Variants in TJAP1 observed in about 807,000 individuals in gnomAD.
TJAP1 encodes tight junction associated protein 1.
Under a neutral mutation model 42.0 loss-of-function variants are expected in TJAP1, and 27 were observed. The ratio of observed to expected loss-of-function variants is 0.64; its 90% confidence interval spans 0.47 to 0.89. The LOEUF is 0.89. Among genes scored for constraint, TJAP1 ranks in the 40% least tolerant of loss-of-function variants. TJAP1 has a pLI of 0.00. For synonymous variants in TJAP1, 257 were observed against 288.4 expected, an observed-to-expected ratio of 0.89 and a Z score of 1.10; for missense variants, 712 against 726.9, an observed-to-expected ratio of 0.98 and a Z score of 0.24.
At chr6:43,486,165 A>G (rs1003326727) in intron 2 of TJAP1, among the ~76,000 whole-genome samples, 1 of 151,174 alleles carries the variant, frequency 6.6e-6, no homozygotes, top group Non-Finnish European at 1.5e-5. Flanking sequence ...GGGTTTCGCC[A>G]TTTTGGCCAG....
At position 43,505,722 on chromosome 6, in the gene TJAP1, A is replaced by C; in HGVS notation, c.1541A>C (p.His514Pro). ...ACAGAGGAGGGGCCAGGCACTTCCC[A>C]CACCGAGGGCAGGGCCTGGCCACTC... Residue 514 changes from histidine (H) to proline (P), a missense_variant, in exon 11 of 11, where the codon CAC becomes CCC. Physicochemically the swap from His to Pro is moderately conservative, Grantham distance 77. This residue lies in a region of TJAP1 where 549 missense variants were observed against 528.2 expected (regional missense o/e 1.04). Coordinates refer to ENST00000372449, the Ensembl canonical transcript of TJAP1. This position sits in a 1 kb window ranked among gnomAD's most constrained non-coding sequence, Gnocchi z 5.5. 3 of 1,569,038 alleles carry C rather than the reference A, an allele frequency of 1.9e-6. No homozygotes were observed. Among genetic ancestry groups the C allele is most frequent in the African/African-American group, 1.4e-5 (1 of 73,760 alleles).
At position 43,505,245 on chromosome 6, in the gene TJAP1, G is replaced by A. The variant is rs868241056; in HGVS notation, c.1064G>A (p.Arg355His). 53 of 1,613,832 alleles carry A rather than the reference G, an allele frequency of 3.3e-5. No homozygotes were observed. Among genetic ancestry groups the A allele is most frequent in the Non-Finnish European group, 4.2e-5 (49 of 1,179,950 alleles). Reference sequence around the variant, plus strand: ...CTGCCCAACTGCACTTACGCTACCCGCCAGGCCATTTCCCTGAGCCTGGTA... The same window carrying A: ...CTGCCCAACTGCACTTACGCTACCCACCAGGCCATTTCCCTGAGCCTGGTA... Residue 355 changes from arginine (R) to histidine (H), a missense_variant, in exon 11 of 11, where the codon CGC becomes CAC. Coordinates refer to ENST00000372449, the Ensembl canonical transcript of TJAP1. This position sits in a 1 kb window ranked among gnomAD's most constrained non-coding sequence, Gnocchi z 5.5.
At chr6:43,479,353 G>A (rs1367082197) in intron 2 of TJAP1, among the ~76,000 whole-genome samples, 2 of 152,208 alleles carry the variant, frequency 1.3e-5, no homozygotes, top group East Asian at 1.9e-4. Flanking sequence ...GTACCTTTAG[G>A]TATTTGAAGA....
At chr6:43,503,505 C>G (rs763308612) in exon 9 of TJAP1, 22 of 1,613,748 alleles carry the variant, frequency 1.4e-5, no homozygotes, top group Middle Eastern at 1.6e-4. Flanking sequence ...TGGAAGAGCT[C>G]AATGTATGTG....
intron 10 of TJAP1, chr6:43,504,107 A>T: frequency 3.1e-6 from 1 of 319,174 alleles, no homozygotes; most frequent in Non-Finnish European, 6.2e-6. Flanking sequence ...GAAGAAGTAG[A>T]GGTATTTCTT....
intron 2 of TJAP1, among the ~76,000 whole-genome samples, chr6:43,496,524 C>T (rs1241326233): frequency 2.0e-5 from 3 of 152,334 alleles, no homozygotes; most frequent in Admixed American, 6.5e-5. Flanking sequence ...AGGAGGCTGG[C>T]GGCCGTGCCT....
At position 43,505,608 on chromosome 6, in the gene TJAP1, ACT is replaced by A; in HGVS notation, c.1430_1431del (p.Ser477TrpfsTer16). ...GAGCTTTTGCTACCCACAGAACCTGACTCTGGCTTTCCCAGGGAGGAAGAAGA... is the reference window on the plus strand; with the variant it reads ...GAGCTTTTGCTACCCACAGAACCTGACTGGCTTTCCCAGGGAGGAAGAAGA... On this transcript the variant is annotated frameshift_variant, in exon 11 of 11. Coordinates refer to ENST00000372449, the Ensembl canonical transcript of TJAP1. LOFTEE classifies it high-confidence loss of function. This position sits in a 1 kb window ranked among gnomAD's most constrained non-coding sequence, Gnocchi z 5.5. 1 of 1,613,330 alleles carries A rather than the reference ACT, an allele frequency of 6.2e-7. No individual in the cohort carries two copies. Among genetic ancestry groups the A allele is most frequent in the Non-Finnish European group, 8.5e-7 (1 of 1,179,980 alleles).
intron 3 of TJAP1, 92 bp from the exon 4 acceptor site, chr6:43,498,886 A>C (rs1409636965): frequency 2.9e-6 from 4 of 1,401,388 alleles, no homozygotes; most frequent in South Asian, 1.3e-5. Context: ...GGTGGCCTCA[A>C]CATATGTCCC....
chr6:43,498,240 T>G (rs184575790), intron 3 of TJAP1, among the ~76,000 whole-genome samples: 1 of 152,296 alleles, frequency 6.6e-6, no homozygotes, highest in Non-Finnish European at 1.5e-5. Flanking sequence ...TCCTAAGTGT[T>G]TTACATCATC....
Position 43,501,758 on chromosome 6 carries a change from A to ACTCT in TJAP1, c.290+76_290+79dup, listed in dbSNP as rs1283037495. 5.4e-4 allele frequency: 267 copies of ACTCT among 493,404 alleles called. 4 individuals are homozygous for ACTCT. The highest frequency in any genetic ancestry group is 2.3e-3 in the African/African-American group (68 of 29,160). The allele number at this position is 493,404 out of a possible 1,614,324, so 30.6% of individuals were successfully genotyped here. On this transcript the variant is annotated intron_variant, in intron 6 of 10. Coordinates refer to ENST00000372449, the Ensembl canonical transcript of TJAP1. ...CACACACACACACACACACACACACACTCTCTCTGTCTCTCTCTCTCTCTG... is the reference window on the plus strand; with the variant it reads ...CACACACACACACACACACACACACACTCTCTCTCTCTGTCTCTCTCTCTCTCTG...
At chr6:43,501,891 C>CACA (rs1790766427) in intron 6 of TJAP1, among the ~76,000 whole-genome samples, 1 of 39,074 alleles carries the variant, frequency 2.6e-5, no homozygotes, top group African/African-American at 1.1e-4. Flanking sequence ...GAATGCGGGG[C>CACA]CACACACACA....
At position 43,503,563 on chromosome 6, in the gene TJAP1, C is replaced by T; in HGVS notation, c.495+55C>T. 4.3e-6 allele frequency: 7 copies of T among 1,610,784 alleles called. No individual in the cohort carries two copies. The South Asian group carries it at 6.6e-5, about 15-fold the overall frequency. On this transcript the variant is annotated intron_variant, in intron 9 of 10. Coordinates refer to ENST00000372449, the Ensembl canonical transcript of TJAP1. ...TCACCTGGGGCTAGCTTTGTCCTGG[C>T]TCGGCCCTGCTTCCTTGGAGAGGGC... is the stretch of plus-strand genomic sequence containing the variant.
In TJAP1 at chr6:43,501,806, TAGG is replaced by T. The variant is rs1282116179; in HGVS notation, c.290+123_290+125del. 3.8e-5 allele frequency: 24 copies of T among 635,164 alleles called. No homozygotes were observed. In the East Asian group the frequency reaches 6.6e-4, roughly 18 times the overall value. 39.3% of individuals were successfully genotyped at this position (635,164 alleles called of 1,614,324 possible). A position where few individuals can be genotyped will look rare whatever the true frequency, so the allele number is the denominator to read the frequency against. On this transcript the variant is annotated intron_variant, in intron 6 of 10. Transcript: ENST00000372449. ...CTGTGTCTCTGTCTCTCTCCTTTCATAGGAGGTTAGCTGGAAGATGCCTTAGAG... is the reference window on the plus strand; with the variant it reads ...CTGTGTCTCTGTCTCTCTCCTTTCATAGGTTAGCTGGAAGATGCCTTAGAG...
At chr6:43,499,362 C>T (rs1789989424) in intron 4 of TJAP1, among the ~76,000 whole-genome samples, 1 of 152,246 alleles carries the variant, frequency 6.6e-6, no homozygotes, top group Non-Finnish European at 1.5e-5. Flanking sequence ...ATATGATATT[C>T]TCCCTGCAAG....
In TJAP1 at chr6:43,501,017, C is replaced by T. The variant is rs1790397348; in HGVS notation, c.128+245C>T. 2.6e-5 allele frequency: 14 copies of T among 542,428 alleles called. No individual in the cohort carries two copies. In the South Asian group the frequency reaches 3.3e-4, roughly 13 times the overall value. The allele number at this position is 542,428 out of a possible 1,614,324, so 33.6% of individuals were successfully genotyped here. A position where few individuals can be genotyped will look rare whatever the true frequency, so the allele number is the denominator to read the frequency against. On this transcript the variant is annotated intron_variant, in intron 5 of 10. Transcript: ENST00000372449. Reference sequence around the variant, plus strand: ...GAGGCGAATGGCTCTGAGGGCCCTGCTCTTCTTGCTAAGGAGCCCTTCCCC... The same window carrying T: ...GAGGCGAATGGCTCTGAGGGCCCTGTTCTTCTTGCTAAGGAGCCCTTCCCC...
intron 2 of TJAP1, among the ~76,000 whole-genome samples, chr6:43,494,610 G>C (rs1406663462): frequency 6.6e-6 from 1 of 151,202 alleles, no homozygotes; most frequent in East Asian, 1.9e-4. Context: ...GTTTAGTTTG[G>C]GGTGGGGGTG....
At chr6:43,484,788 C>T (rs1002311775) in intron 2 of TJAP1, among the ~76,000 whole-genome samples, 1 of 152,150 alleles carries the variant, frequency 6.6e-6, no homozygotes, top group Non-Finnish European at 1.5e-5. Context: ...TGCAGTGGCA[C>T]GATCTCAGCT....
chr6:43,486,302 CAGAA>C (rs1786494831), intron 2 of TJAP1, among the ~76,000 whole-genome samples: 1 of 148,850 alleles, frequency 6.7e-6, no homozygotes, highest in Non-Finnish European at 1.5e-5. Context: ...CCTAAGCAAT[CAGAA>C]AGGGGGTTAA....
intron 2 of TJAP1, among the ~76,000 whole-genome samples, chr6:43,483,898 A>G (rs1463484556): frequency 6.6e-6 from 1 of 152,010 alleles, no homozygotes; most frequent in Non-Finnish European, 1.5e-5. Flanking sequence ...CTTTGTCTCT[A>G]CAAAAGACAT....
Sources: allele counts gnomAD v4.1 joint callset (sites outside exome capture counted in the v4.1 genomes callset), GRCh38; gene constraint gnomAD v4.1.1; regional missense constraint gnomAD v4.1.1; non-coding constraint Gnocchi (gnomAD v3.1); transcripts MANE v1.5; gene names NCBI Gene and HGNC (gene_info 2026-07-23, HGNC 2026-07-21).